NEDD9: variants seen among roughly 807,000 people sequenced by gnomAD.
NEDD9 encodes the protein enhancer of filamentation 1.
In NEDD9, 26 loss-of-function variants were observed where a neutral mutation model predicts 76.6. The observed-to-expected ratio is 0.34, with a 90% confidence interval of 0.25 to 0.47. NEDD9 has a LOEUF of 0.47. Among genes scored for constraint, NEDD9 ranks in the 20% least tolerant of loss-of-function variants. The probability of loss-of-function intolerance (pLI) is 1.00; values close to 1 mark genes in which losing one functional copy is unlikely to be tolerated. For synonymous variants in NEDD9, 392 were observed against 414.2 expected (o/e 0.95, Z 0.65); for missense variants, 937 against 1,058.5 (o/e 0.89, Z 1.59).
chr6:11,352,880 T>C (rs1762493660), intron 1 of NEDD9: 1 of 152,246 alleles, frequency 6.6e-6, no homozygotes, highest in Non-Finnish European at 1.5e-5. Flanking sequence ...AGTTTCTCCA[T>C]GTATTAAAAA....
chr6:11,232,363 G>A (rs1302967630), intron 1 of NEDD9, 141 bp downstream of exon 1: 1 of 1,022,378 alleles, frequency 9.8e-7, no homozygotes, highest in Non-Finnish European at 1.5e-6. Context: ...CTGCTTGCAT[G>A]TCAACCTCAG....
chr6:11,365,096 C>A (rs984696210), intron 1 of NEDD9, among the ~76,000 whole-genome samples: 1 of 152,116 alleles, frequency 6.6e-6, no homozygotes, highest in East Asian at 1.9e-4. Context: ...TTTTCTGCCA[C>A]TCACCCCCCA....
At chr6:11,249,257 T>G in intron 3 of NEDD9, 1 of 439,470 alleles carries the variant, frequency 2.3e-6, no homozygotes, top group Non-Finnish European at 4.5e-6. Flanking sequence ...GGGTTAAGTT[T>G]GACTGTGAGT....
intron 3 of NEDD9, among the ~76,000 whole-genome samples, chr6:11,251,953 G>C (rs1460200623): frequency 6.6e-6 from 1 of 152,140 alleles, no homozygotes; most frequent in Non-Finnish European, 1.5e-5. Flanking sequence ...GGGGGGGATG[G>C]TGAGTGATGG....
At chr6:11,337,722 A>T (rs1762191803) in intron 1 of NEDD9, among the ~76,000 whole-genome samples, 1 of 152,202 alleles carries the variant, frequency 6.6e-6, no homozygotes, top group Non-Finnish European at 1.5e-5. Context: ...TTTAATAAAC[A>T]TTGCTGTGTG....
chr6:11,346,994 C>G lies in NEDD9; in HGVS notation c.-213-12433G>C, dbSNP rs1762376222. ...CCCCTTCCCCTCATCCTTCATGTAT[C>G]TCCATGGGCTAAGAGGCCCCAAAGC... On this transcript the variant is annotated intron_variant, in intron 1 of 3. Coordinates refer to the NEDD9 transcript ENST00000397378. Among the ~76,000 whole-genome samples, 3 of 152,114 alleles carry G rather than the reference C, an allele frequency of 2.0e-5. 1 individual carries two copies. The South Asian group carries it at 6.2e-4, about 31-fold the overall frequency.
chr6:11,276,360 CGTGTGTGTGCACCTGTGCACGT>C (rs1760416542), intron 3 of NEDD9, among the ~76,000 whole-genome samples: 1 of 152,062 alleles, frequency 6.6e-6, no homozygotes, highest in Non-Finnish European at 1.5e-5. Context: ...TGTGTGCATG[CGTGTGTGTGCACCTGTGCACGT>C]GTGTGTGTGC....
In NEDD9 at chr6:11,203,301, G is replaced by A. The variant is rs3798739; in HGVS notation, c.460-9609C>T. Among the ~76,000 whole-genome samples, 23 of 152,260 alleles carry A rather than the reference G, an allele frequency of 1.5e-4. 1 individual carries two copies. In the East Asian group the frequency reaches 4.4e-3, roughly 29 times the overall value. ...AAAACTATAAAAAAGCACAAGTATT[G>A]TGGCTCTTTTGATGTCCAAATAAAT... On this transcript the variant is annotated intron_variant, in intron 2 of 6. Transcript: ENST00000379446.
At chr6:11,333,503 G>C (rs370742129) in intron 2 of NEDD9, among the ~76,000 whole-genome samples, 1 of 152,118 alleles carries the variant, frequency 6.6e-6, no homozygotes, top group African/African-American at 2.4e-5. Flanking sequence ...TCCTCCTCTC[G>C]CTATGGAAAG....
At chr6:11,372,129 A>G (rs1237748739) in intron 1 of NEDD9, among the ~76,000 whole-genome samples, 2 of 78,614 alleles carry the variant, frequency 2.5e-5, no homozygotes, top group African/African-American at 9.1e-5. Context: ...CCTGCCCCCC[A>G]TAATCCCCCC....
chr6:11,192,361 A>G lies in NEDD9; in HGVS notation c.647T>C (p.Ile216Thr). The G allele has an allele frequency of 2.9e-6, 4 of 1,386,278 alleles. No individual in the cohort carries two copies. The highest frequency in any genetic ancestry group is 3.8e-6 in the Non-Finnish European group (4 of 1,047,568). The allele number at this position is 1,386,278 out of a possible 1,614,324, so 85.9% of individuals were successfully genotyped here. ...GEIKPQGVYDIPPTKGVYAIP... is the reference protein window; with the variant it reads ...GEIKPQGVYDTPPTKGVYAIP... ...CTCACTCACCCCTTTTGTAGGCGGGATGTCATACACCCCTTGAGGTTTTAT... is the reference window on the plus strand; with the variant it reads ...CTCACTCACCCCTTTTGTAGGCGGGGTGTCATACACCCCTTGAGGTTTTAT... The change falls in exon 4 of 7, where the codon ATC becomes ACC. Residue 216 changes from isoleucine to threonine, a missense_variant. Ile to Thr is a moderately conservative substitution (Grantham distance 89, BLOSUM62 -1). Coordinates refer to ENST00000379446, the MANE Select transcript of NEDD9 (RefSeq NM_006403.4).
At chr6:11,361,749 G>T (rs1762683233) in intron 1 of NEDD9, among the ~76,000 whole-genome samples, 1 of 152,092 alleles carries the variant, frequency 6.6e-6, no homozygotes, top group African/African-American at 2.4e-5. Context: ...AGGAGTACAA[G>T]AAGAACACCT....
At chr6:11,242,205 A>G (rs1759722311) in intron 3 of NEDD9, among the ~76,000 whole-genome samples, 1 of 152,152 alleles carries the variant, frequency 6.6e-6, no homozygotes, top group African/African-American at 2.4e-5. Context: ...TCTTTATACA[A>G]AAAGCCAAAG....
At chr6:11,297,946 C>T (rs1025731306) in intron 3 of NEDD9, among the ~76,000 whole-genome samples, 3 of 137,012 alleles carry the variant, frequency 2.2e-5, no homozygotes, top group Admixed American at 7.9e-5. Context: ...CTCGCTTTGT[C>T]GCCTAGGTTG....
intron 3 of NEDD9, among the ~76,000 whole-genome samples, chr6:11,257,495 T>A (rs1054058285): frequency 6.6e-6 from 1 of 152,150 alleles, no homozygotes; most frequent in Non-Finnish European, 1.5e-5. Context: ...CTAGTCCAGG[T>A]CTGTCTAACA....
At chr6:11,300,982 C>G (rs1425822340) in intron 3 of NEDD9, among the ~76,000 whole-genome samples, 2 of 152,150 alleles carry the variant, frequency 1.3e-5, no homozygotes, top group Non-Finnish European at 2.9e-5. Context: ...AATGAGCTAA[C>G]ATCAAAATGA....
chr6:11,213,627 C>G lies in NEDD9; in HGVS notation c.113G>C (p.Gly38Ala). Residue 38 changes from glycine (G) to alanine (A), a missense_variant, in exon 2 of 7, where the codon GGG becomes GCG. Transcript: ENST00000379446. The surrounding 1 kb of genome is among the most constrained non-coding windows in gnomAD (Gnocchi z 5.4). The stretch of plus-strand genomic sequence containing the variant: ...GCACAGCCACCATCCTTCCAGTCCC[C>G]CTGTGTTCTGCTCTATGACGGTCAG... ...DILTVIEQNT[G>A]GLEGWWLCSL... 2 of 1,614,190 alleles carry G rather than the reference C, an allele frequency of 1.2e-6. No individual in the cohort carries two copies. The highest frequency in any genetic ancestry group is 2.2e-5 in the South Asian group (2 of 91,084).
Position 11,185,419 on chromosome 6 carries a change from T to C in NEDD9, c.2248A>G (p.Ile750Val). 1 of 1,614,242 alleles carries C rather than the reference T, an allele frequency of 6.2e-7. No individual in the cohort carries two copies. The highest frequency in any genetic ancestry group is 8.5e-7 in the Non-Finnish European group (1 of 1,180,038). The change falls in exon 7 of 7, where the codon ATC becomes GTC. Residue 750 changes from isoleucine (I) to valine (V), a missense_variant. Transcript: ENST00000379446. ...AACACCAGTTTGTGTGCACTGAGGA[T>C]GACAAACTTGCTGTGTGCCACGAAG... ...RIFVAHSKFV[I>V]LSAHKLVFIG...
chr6:11,360,378 A>G lies in NEDD9; in HGVS notation c.-214+21761T>C, dbSNP rs772151672. ...AGCAGAAAGTGAATAACCCACACAC[A>G]GGTGAGAACTGTGTGGTCACCACTT... On this transcript the variant is annotated intron_variant, in intron 1 of 3. Coordinates refer to the NEDD9 transcript ENST00000397378. Among the ~76,000 whole-genome samples the G allele has an allele frequency of 5.2e-4, 79 of 152,232 alleles. 1 individual carries two copies. The highest frequency in any genetic ancestry group is 2.6e-4 in the Admixed American group (4 of 15,290).
Sources: gnomAD v4.1 joint callset for allele counts (sites outside exome capture counted in the v4.1 genomes callset) on GRCh38, gnomAD v4.1.1 for gene constraint, Gnocchi (gnomAD v3.1) non-coding constraint, MANE v1.5 for transcripts, NCBI Gene and HGNC (gene_info 2026-07-23, HGNC 2026-07-21) for gene names.